Variants in KLHL25 observed in about 807,000 individuals in gnomAD.
KLHL25 encodes kelch-like protein 25.
A neutral mutation model predicts 30.0 loss-of-function variants in KLHL25; 41 were observed. The observed-to-expected ratio is 1.37, with a 90% CI of 1.07 to 1.78. The LOEUF (loss-of-function observed/expected upper bound fraction) is 1.78. Among genes scored for constraint, KLHL25 ranks in the 40% most tolerant of loss-of-function variants. KLHL25 has a pLI of 0.00. For missense variants in KLHL25, 971 were observed against 824.5 expected (o/e 1.18, Z -2.18); for synonymous variants, 399 against 355.3 (o/e 1.12, Z -1.38).
intron 1 of KLHL25, among the ~76,000 whole-genome samples, chr15:85,782,179 C>T (rs1258176495): frequency 4.6e-5 from 7 of 152,070 alleles, no homozygotes; most frequent in African/African-American, 1.7e-4. Context: ...TACATATGTA[C>T]GTTTATTTAT....
rs2089799435 is a variant in KLHL25 at position 85,789,074 on chromosome 15, TAG to T, written c.-11+5690_-11+5691del. On this transcript the variant is annotated intron_variant, in intron 1 of 2. Transcript: ENST00000337975. The surrounding 1 kb of genome is among the most constrained non-coding windows in gnomAD (Gnocchi z 4.1). ...ATTAGGAAATTAATTCTGCTCAGCC[TAG>T]ATGGATCTGTGGTCAGCCTCTCCTT... 6.6e-6 allele frequency among the ~76,000 whole-genome samples: 1 copy of T among 152,238 alleles called. No individual in the cohort carries two copies. Among genetic ancestry groups the T allele is most frequent in the African/African-American group, 2.4e-5 (1 of 41,472 alleles).
chr15:85,781,221 T>A (rs903061472), intron 1 of KLHL25, among the ~76,000 whole-genome samples: 22 of 152,294 alleles, frequency 1.4e-4, no homozygotes, highest in African/African-American at 4.8e-4. Context: ...AATGAACTTT[T>A]GTACTCAGTG....
chr15:85,777,663 C>T (rs1049509922), intron 1 of KLHL25, among the ~76,000 whole-genome samples: 2 of 152,166 alleles, frequency 1.3e-5, no homozygotes, highest in African/African-American at 4.8e-5. Context: ...CTCTGGTCAC[C>T]AGGGAGTGGG....
intron 1 of KLHL25, among the ~76,000 whole-genome samples, chr15:85,779,497 C>T (rs149618319): frequency 1.3e-5 from 2 of 152,304 alleles, no homozygotes; most frequent in East Asian, 3.9e-4. Context: ...TAGGAAAAAA[C>T]ATCTAAAATG....
chr15:85,788,056 C>CAAAAAAA (rs60547525), intron 1 of KLHL25, among the ~76,000 whole-genome samples: 4 of 58,304 alleles, frequency 6.9e-5, no homozygotes, highest in Non-Finnish European at 9.2e-5. Flanking sequence ...AACTAGATCT[C>CAAAAAAA]AAAAAAAAAA....
At chr15:85,770,430 G>T in intron 1 of KLHL25, 1 of 510,542 alleles carries the variant, frequency 2.0e-6, no homozygotes, top group East Asian at 5.6e-5. Flanking sequence ...CCTGCTCCCA[G>T]CAGGCTCTGC....
chr15:85,766,939 A>G (rs1315924247), intron 2 of KLHL25, among the ~76,000 whole-genome samples: 2 of 151,516 alleles, frequency 1.3e-5, no homozygotes, highest in African/African-American at 2.4e-5. Flanking sequence ...TACAGTTAAC[A>G]GTTTTTTGGA....
Position 85,776,648 on chromosome 15 carries a change from G to C in KLHL25, c.-10-6828C>G, listed in dbSNP as rs150083505. 2.0e-5 allele frequency among the ~76,000 whole-genome samples: 3 copies of C among 151,998 alleles called. No individual in the cohort carries two copies. In the South Asian group the frequency reaches 6.2e-4, roughly 32 times the overall value. On this transcript the variant is annotated intron_variant, in intron 1 of 2. Transcript: ENST00000337975. ...TTTTATTGTGAAAAGATCTGAGGCCGGGCACGGTGGCTCACGCCTGTAATA... is the reference window on the plus strand; with the variant it reads ...TTTTATTGTGAAAAGATCTGAGGCCCGGCACGGTGGCTCACGCCTGTAATA...
chr15:85,761,151 C>T (rs572752529), intron 2 of KLHL25, 140 bp from the exon 3 acceptor site: 6 of 152,420 alleles, frequency 3.9e-5, no homozygotes, highest in South Asian at 2.1e-4. Context: ...TCACCGGCAG[C>T]GCAGTCTGGT....
chr15:85,768,908 C>T lies in KLHL25; in HGVS notation c.903G>A (p.Gly301=). The T allele has an allele frequency of 6.2e-7, 1 of 1,613,328 alleles. No individual in the cohort carries two copies. Among genetic ancestry groups the T allele is most frequent in the Non-Finnish European group, 8.5e-7 (1 of 1,180,038 alleles). ...TCTTGTCACACATGAAGGTCTGGCC[C>T]CCCAGGATGAGTAGCGTGTGGCCCG... ...RKAGHTLLIL[G]GQTFMCDKIY... The change falls in exon 2 of 3, where the codon GGG becomes GGA. Residue 301 remains glycine (G), a synonymous_variant. Transcript: ENST00000337975.
intron 1 of KLHL25, among the ~76,000 whole-genome samples, chr15:85,784,688 A>C (rs2089768429): frequency 6.6e-6 from 1 of 152,186 alleles, no homozygotes; most frequent in South Asian, 2.1e-4. Context: ...CCAGCAAGGA[A>C]ATGGGGACTG....
chr15:85,789,484 G>T lies in KLHL25; in HGVS notation c.-11+5282C>A, dbSNP rs1047306451. On this transcript the variant is annotated intron_variant, in intron 1 of 2. Coordinates refer to ENST00000337975, the MANE Select transcript of KLHL25 (RefSeq NM_022480.4). The surrounding 1 kb of genome is among the most constrained non-coding windows in gnomAD (Gnocchi z 4.1). ...CAACTTCTGCCTCCGGGGTTCAAGCGATTCTCCTGTCTCAGCCTCCCAAGT... is the reference window on the plus strand; with the variant it reads ...CAACTTCTGCCTCCGGGGTTCAAGCTATTCTCCTGTCTCAGCCTCCCAAGT... Among the ~76,000 whole-genome samples, 2 of 152,118 alleles carry T rather than the reference G, an allele frequency of 1.3e-5. No individual in the cohort carries two copies. Among genetic ancestry groups the T allele is most frequent in the Middle Eastern group, 3.4e-3 (1 of 294 alleles).
intron 1 of KLHL25, among the ~76,000 whole-genome samples, chr15:85,781,307 C>T (rs936520424): frequency 6.6e-6 from 1 of 152,158 alleles, no homozygotes; most frequent in Non-Finnish European, 1.5e-5. Context: ...CATCAGGCAT[C>T]GGCCATTTGG....
intron 1 of KLHL25, among the ~76,000 whole-genome samples, chr15:85,787,446 CA>C (rs1013387072): frequency 2.0e-5 from 3 of 150,826 alleles, no homozygotes; most frequent in Non-Finnish European, 4.4e-5. Flanking sequence ...AACTCAGTCT[CA>C]AAAAAAAATT....
At chr15:85,791,369 C>T (rs1177890626) in intron 1 of KLHL25, among the ~76,000 whole-genome samples, 1 of 152,042 alleles carries the variant, frequency 6.6e-6, no homozygotes, top group Non-Finnish European at 1.5e-5. Flanking sequence ...GTGGTGTGTG[C>T]CTGTAATCCC....
At position 85,768,142 on chromosome 15, in the gene KLHL25, A is replaced by C; in HGVS notation, c.1669T>G (p.Cys557Gly). 6.2e-7 allele frequency: 1 copy of C among 1,614,236 alleles called. No homozygotes were observed. The highest frequency in any genetic ancestry group is 1.1e-5 in the South Asian group (1 of 91,084). ...CATGTATCTGAAGTGGGGTCATAGC[A>C]GTCCAGAGTCTTACACCTCTGGGTC... ...FGTQRCKTLDCYDPTSDTWNC... is the reference protein window; with the variant it reads ...FGTQRCKTLDGYDPTSDTWNC... Residue 557 changes from cysteine (C) to glycine (G), a missense_variant, in exon 2 of 3, where the codon TGC (cysteine) becomes GGC (glycine). Physicochemically the swap from Cys to Gly is radical, Grantham distance 159. Coordinates refer to ENST00000337975, the MANE Select transcript of KLHL25 (RefSeq NM_022480.4).
intron 1 of KLHL25, among the ~76,000 whole-genome samples, chr15:85,776,929 A>AT (rs921682601): frequency 2.6e-5 from 4 of 151,986 alleles, no homozygotes; most frequent in East Asian, 1.9e-4. Context: ...CATCTCAAAA[A>AT]AAATAAATAA....
In KLHL25 at chr15:85,768,502, C is replaced by A. The variant is rs140574666; in HGVS notation, c.1309G>T (p.Ala437Ser). The A allele has an allele frequency of 8.1e-6, 13 of 1,613,764 alleles. No individual in the cohort carries two copies. Among genetic ancestry groups the A allele is most frequent in the Non-Finnish European group, 1.1e-5 (13 of 1,180,022 alleles). ...TTCAGCTTGGCACTCACCACTGCGG[C>A]ATTGCTGACGCCATCCCGCAAGGGG... ...VAPLRDGVSNAAVVSAKLKLF... is the reference protein window; with the variant it reads ...VAPLRDGVSNSAVVSAKLKLF... The change falls in exon 2 of 3, where the codon GCC becomes TCC. Residue 437 changes from alanine to serine, a missense_variant. Ala to Ser is a moderately conservative substitution (Grantham distance 99). Coordinates refer to ENST00000337975, the MANE Select transcript of KLHL25 (RefSeq NM_022480.4).
At chr15:85,787,590 T>G (rs534781532) in intron 1 of KLHL25, among the ~76,000 whole-genome samples, 2 of 152,160 alleles carry the variant, frequency 1.3e-5, no homozygotes, top group African/African-American at 2.4e-5. Context: ...GAAAGATGCA[T>G]GATGAAGGAC....
Sources: allele counts gnomAD v4.1 joint callset (sites outside exome capture counted in the v4.1 genomes callset), GRCh38; gene constraint gnomAD v4.1.1; non-coding constraint Gnocchi (gnomAD v3.1); transcripts MANE v1.5; gene names NCBI Gene and HGNC (gene_info 2026-07-23, HGNC 2026-07-21).